The following GPHN variants were observed in gnomAD, a reference collection of about 807,000 sequenced individuals.
GPHN encodes gephyrin.
A neutral mutation model predicts 95.5 loss-of-function variants in GPHN; 17 were observed. That is an observed-to-expected ratio of 0.18 (90% CI 0.12 to 0.27). GPHN has a LOEUF of 0.27. Among genes scored for constraint, GPHN ranks in the 10% least tolerant of loss-of-function variants. The probability of loss-of-function intolerance (pLI) is 1.00; values close to 1 mark genes in which losing one functional copy is unlikely to be tolerated. For missense variants in GPHN, 660 were observed against 978.1 expected (o/e 0.67, Z 4.34); for synonymous variants, 320 against 322.5 (o/e 0.99, Z 0.08).
chr14:67,611,749 A>G, the GPHN span, among the ~76,000 whole-genome samples: 2 of 152,250 alleles, frequency 1.3e-5, no homozygotes, highest in African/African-American at 4.8e-5. Context: ...AACCAGTTTC[A>G]TGGAAGACAA....
chr14:66,707,562 G>A (rs1437002092), intron 2 of GPHN, among the ~76,000 whole-genome samples: 1 of 152,100 alleles, frequency 6.6e-6, no homozygotes, highest in Non-Finnish European at 1.5e-5. Flanking sequence ...ACTTAACGTG[G>A]GAACAGAAAA....
intron 18 of GPHN, among the ~76,000 whole-genome samples, chr14:67,156,137 A>G (rs1300974545): frequency 6.6e-6 from 1 of 152,306 alleles, no homozygotes; most frequent in Admixed American, 6.5e-5. Context: ...GAAAGGACTA[A>G]AGAGGGTTAA....
At chr14:67,052,738 G>A (rs2075362325) in intron 10 of GPHN, among the ~76,000 whole-genome samples, 1 of 151,980 alleles carries the variant, frequency 6.6e-6, no homozygotes, top group African/African-American at 2.4e-5. Flanking sequence ...GAAATCAGAA[G>A]AAACAGTCTC....
chr14:66,715,152 G>A lies in GPHN; in HGVS notation c.143+33967G>A, dbSNP rs555007394. ...ATTTTTAAATTACTGTTTCAGTCTT[G>A]CTGCTTGTTATTGGTCTGTTCAGGG... On this transcript the variant is annotated intron_variant, in intron 2 of 22. Coordinates refer to ENST00000478722, the MANE Select transcript of GPHN (RefSeq NM_020806.5). 3.3e-5 allele frequency among the ~76,000 whole-genome samples: 5 copies of A among 152,014 alleles called. No individual in the cohort carries two copies. In the South Asian group the frequency reaches 8.3e-4, roughly 25 times the overall value.
intron 13 of GPHN, among the ~76,000 whole-genome samples, chr14:67,106,910 A>G (rs1409533292): frequency 1.3e-5 from 2 of 150,234 alleles, no homozygotes; most frequent in African/African-American, 4.9e-5. Flanking sequence ...TTGTGTCCCC[A>G]TGTTGATCTG....
At chr14:67,698,688 G>C in the GPHN span, among the ~76,000 whole-genome samples, 1 of 152,208 alleles carries the variant, frequency 6.6e-6, no homozygotes, top group Non-Finnish European at 1.5e-5. Context: ...TATAGGAGCT[G>C]TTATACTTCT....
chr14:66,882,933 T>C (rs1032548443), intron 5 of GPHN, among the ~76,000 whole-genome samples: 2 of 151,790 alleles, frequency 1.3e-5, no homozygotes, highest in Non-Finnish European at 2.9e-5. Flanking sequence ...GAGCAATCAA[T>C]TCAAATTGCT....
chr14:66,865,635 A>T lies in GPHN; in HGVS notation c.295-14304A>T, dbSNP rs184099614. On this transcript the variant is annotated intron_variant, in intron 4 of 22. Coordinates refer to ENST00000478722, the MANE Select transcript of GPHN (RefSeq NM_020806.5). ...TATATATGTCCTTATTACAGTGTTGAGTAAAATGTCAGTTTCCATCTATCG... is the reference window on the plus strand; with the variant it reads ...TATATATGTCCTTATTACAGTGTTGTGTAAAATGTCAGTTTCCATCTATCG... Among the ~76,000 whole-genome samples, 32 of 152,298 alleles carry T rather than the reference A, an allele frequency of 2.1e-4. 1 individual carries two copies. The highest frequency in any genetic ancestry group is 3.4e-3 in the Middle Eastern group (1 of 294).
At chr14:66,870,882 T>C (rs2063407400) in intron 4 of GPHN, among the ~76,000 whole-genome samples, 1 of 152,166 alleles carries the variant, frequency 6.6e-6, no homozygotes, top group Non-Finnish European at 1.5e-5. Context: ...TGCTTCCTAA[T>C]GTAAATAAGA....
chr14:67,277,583 T>C, the GPHN span, among the ~76,000 whole-genome samples: 1 of 151,968 alleles, frequency 6.6e-6, no homozygotes, highest in Non-Finnish European at 1.5e-5. Flanking sequence ...TTACTGTAAA[T>C]ATTATTGCTC....
At chr14:67,133,902 A>G (rs2079878658) in intron 17 of GPHN, among the ~76,000 whole-genome samples, 1 of 152,222 alleles carries the variant, frequency 6.6e-6, no homozygotes, top group Non-Finnish European at 1.5e-5. Context: ...GGAAGAAAAG[A>G]TACCGTTATT....
At chr14:66,978,896 G>A (rs74361835) in intron 9 of GPHN, among the ~76,000 whole-genome samples, 2,302 of 152,272 alleles carry the variant, frequency 0.015, 33 homozygotes, top group Non-Finnish European at 0.018. Context: ...GATCTGTAGG[G>A]TGAAGAGTGG....
chr14:67,155,170 T>C (rs1047354495), intron 18 of GPHN, among the ~76,000 whole-genome samples: 4 of 152,208 alleles, frequency 2.6e-5, no homozygotes, highest in African/African-American at 9.6e-5. Context: ...GGCTTTCAGC[T>C]TGAAGGGCTA....
chr14:67,569,399 C>T, the GPHN span, among the ~76,000 whole-genome samples: 1,765 of 152,300 alleles, frequency 0.012, 37 homozygotes, highest in African/African-American at 0.041. Flanking sequence ...AAAGGGAAGT[C>T]GTACAGGTTC....
chr14:66,573,640 A>G (rs940491861), intron 1 of GPHN, among the ~76,000 whole-genome samples: 1 of 152,094 alleles, frequency 6.6e-6, no homozygotes, highest in Non-Finnish European at 1.5e-5. Flanking sequence ...TATTTTTGGT[A>G]GAGACGGGGT....
At chr14:66,652,221 T>C (rs2065076686) in intron 1 of GPHN, among the ~76,000 whole-genome samples, 2 of 152,148 alleles carry the variant, frequency 1.3e-5, no homozygotes, top group African/African-American at 4.8e-5. Flanking sequence ...ACCAGGGAGA[T>C]AGAGTGATAA....
chr14:66,639,121 A>AATATAT (rs4058479), intron 1 of GPHN, among the ~76,000 whole-genome samples: 15 of 146,048 alleles, frequency 1.0e-4, no homozygotes, highest in African/African-American at 3.4e-4. Context: ...ACTGAAGGTA[A>AATATAT]ATATATATAT....
intron 3 of GPHN, among the ~76,000 whole-genome samples, chr14:66,790,875 T>C (rs2059946890): frequency 6.6e-6 from 1 of 152,242 alleles, no homozygotes; most frequent in South Asian, 2.1e-4. Flanking sequence ...AAGCTCTCCA[T>C]GTCCCATAAT....
chr14:67,355,031 C>T, the GPHN span, among the ~76,000 whole-genome samples: 5 of 151,992 alleles, frequency 3.3e-5, no homozygotes, highest in African/African-American at 1.2e-4. Context: ...AGGCTGGTCT[C>T]GAACTCCTGA....
Sources: allele counts gnomAD v4.1 joint callset (sites outside exome capture counted in the v4.1 genomes callset), GRCh38; gene constraint gnomAD v4.1.1; transcripts MANE v1.5; gene names NCBI Gene and HGNC (gene_info 2026-07-23, HGNC 2026-07-21).